The following HTR1F variants were observed in gnomAD, a reference collection of about 807,000 sequenced individuals.
HTR1F encodes the protein 5-hydroxytryptamine receptor 1F, also known as 5-hydroxytryptamine (serotonin) receptor 1F, G protein-coupled.
A neutral mutation model predicts 24.0 loss-of-function variants in HTR1F; 17 were observed. The observed-to-expected ratio is 0.71, with a 90% CI of 0.48 to 1.06. The LOEUF (loss-of-function observed/expected upper bound fraction) is 1.06, where lower values mean the gene tolerates loss of function less well. Among genes scored for constraint, HTR1F ranks in the 50% least tolerant of loss-of-function variants. HTR1F has a pLI of 0.00. For synonymous variants in HTR1F, 186 were observed against 156.8 expected (o/e 1.19, Z -1.39); for missense variants, 391 against 427.8 (o/e 0.91, Z 0.76).
intron 1 of HTR1F, among the ~76,000 whole-genome samples, chr3:87,799,924 C>T (rs1405338385): frequency 2.0e-5 from 3 of 152,168 alleles, no homozygotes; most frequent in Non-Finnish European, 4.4e-5. Context: ...AGTCCATATT[C>T]TATCAGAGAG....
In HTR1F at chr3:87,852,570, A is replaced by T. The variant is rs975329042; in HGVS notation, c.-43+30446A>T. 2.6e-5 allele frequency among the ~76,000 whole-genome samples: 4 copies of T among 151,768 alleles called. No individual in the cohort carries two copies. The South Asian group carries it at 6.2e-4, about 24-fold the overall frequency. On this transcript the variant is annotated intron_variant, in intron 2 of 2. Transcript: ENST00000319595. ...TTAAGTTTTCATGTATTCTGCAAGC[A>T]ATTTGTAGATTTTTTAAATTTATTA...
chr3:87,971,861 T>C (rs1459886694), intron 2 of HTR1F, among the ~76,000 whole-genome samples: 1 of 152,220 alleles, frequency 6.6e-6, no homozygotes, highest in Non-Finnish European at 1.5e-5. Context: ...ATTTTATGTA[T>C]ATACAATAAT....
chr3:87,850,080 C>T (rs897247296), intron 2 of HTR1F, among the ~76,000 whole-genome samples: 1 of 151,914 alleles, frequency 6.6e-6, no homozygotes, highest in African/African-American at 2.4e-5. Context: ...ACTAGAAATA[C>T]CGTTTGACCC....
chr3:87,800,079 A>G (rs906010538), intron 1 of HTR1F, among the ~76,000 whole-genome samples: 1 of 152,110 alleles, frequency 6.6e-6, no homozygotes, highest in East Asian at 1.9e-4. Context: ...GACTCTTTCA[A>G]TACCTTCCAA....
intron 2 of HTR1F, among the ~76,000 whole-genome samples, chr3:87,938,718 G>A (rs1188636672): frequency 1.3e-5 from 2 of 152,096 alleles, no homozygotes; most frequent in Non-Finnish European, 2.9e-5. Context: ...AATGATGCTG[G>A]GACAACTGGC....
chr3:87,927,772 T>A (rs1331806109), intron 2 of HTR1F, among the ~76,000 whole-genome samples: 1 of 152,174 alleles, frequency 6.6e-6, no homozygotes, highest in Non-Finnish European at 1.5e-5. Flanking sequence ...CAAAGCATAG[T>A]GCTAGTTACT....
intron 2 of HTR1F, among the ~76,000 whole-genome samples, chr3:87,974,944 C>T (rs1244222784): frequency 6.6e-6 from 1 of 152,160 alleles, no homozygotes; most frequent in Non-Finnish European, 1.5e-5. Context: ...CAGATTTGTT[C>T]TGTGCTAAGT....
chr3:87,856,991 T>C (rs778688718), intron 2 of HTR1F, among the ~76,000 whole-genome samples: 2 of 152,214 alleles, frequency 1.3e-5, no homozygotes, highest in Non-Finnish European at 2.9e-5. Flanking sequence ...TTACAGCTTA[T>C]GTTATCCTGT....
At chr3:87,881,748 A>G (rs964730529) in intron 2 of HTR1F, among the ~76,000 whole-genome samples, 2 of 152,232 alleles carry the variant, frequency 1.3e-5, no homozygotes, top group Admixed American at 6.5e-5. Flanking sequence ...ACCTAAAACC[A>G]TAAAAACCCT....
chr3:87,900,880 G>A (rs1036499690), intron 2 of HTR1F, among the ~76,000 whole-genome samples: 2 of 152,096 alleles, frequency 1.3e-5, no homozygotes, highest in African/African-American at 4.8e-5. Context: ...AGACATCCAT[G>A]CAGAAATTTT....
chr3:87,902,246 C>T (rs1490827591), intron 2 of HTR1F, among the ~76,000 whole-genome samples: 1 of 151,954 alleles, frequency 6.6e-6, no homozygotes, highest in Admixed American at 6.6e-5. Flanking sequence ...AAAACAGAGA[C>T]CCTAAAAAGA....
chr3:87,954,929 T>G (rs574986605), intron 2 of HTR1F, among the ~76,000 whole-genome samples: 17 of 151,446 alleles, frequency 1.1e-4, no homozygotes, highest in Non-Finnish European at 2.2e-4. Context: ...TTCTGGTGTC[T>G]CCAAGATAAA....
At chr3:87,977,302 C>T (rs1705415847) in intron 2 of HTR1F, among the ~76,000 whole-genome samples, 1 of 151,950 alleles carries the variant, frequency 6.6e-6, no homozygotes, top group Admixed American at 6.6e-5. Context: ...TTTTTAGAAG[C>T]CAGGTACCTA....
intron 2 of HTR1F, among the ~76,000 whole-genome samples, chr3:87,888,047 TAGCAAAG>T (rs1229552710): frequency 3.9e-5 from 6 of 152,144 alleles, no homozygotes; most frequent in Admixed American, 6.5e-5. Context: ...CTGTTCACAA[TAGCAAAG>T]ACTTGGAACC....
intron 2 of HTR1F, among the ~76,000 whole-genome samples, chr3:87,864,799 G>A (rs1047105093): frequency 6.6e-6 from 1 of 151,762 alleles, no homozygotes. Context: ...GGGAGCCTGA[G>A]GCAGGAGAAT....
At chr3:87,983,547 C>T (rs1705597838) in intron 2 of HTR1F, among the ~76,000 whole-genome samples, 1 of 152,150 alleles carries the variant, frequency 6.6e-6, no homozygotes, top group Non-Finnish European at 1.5e-5. Flanking sequence ...TACACCTGCT[C>T]CTGAACCTCA....
At chr3:87,851,257 T>A (rs911140008) in intron 2 of HTR1F, among the ~76,000 whole-genome samples, 1 of 151,734 alleles carries the variant, frequency 6.6e-6, no homozygotes, top group Non-Finnish European at 1.5e-5. Flanking sequence ...CATGATCACC[T>A]AAGAAGCAGA....
intron 1 of HTR1F, among the ~76,000 whole-genome samples, chr3:87,805,609 G>A (rs1704061247): frequency 6.6e-6 from 1 of 151,632 alleles, no homozygotes; most frequent in Non-Finnish European, 1.5e-5. Flanking sequence ...TATCAGCTTG[G>A]GTATTTATCA....
intron 2 of HTR1F, among the ~76,000 whole-genome samples, chr3:87,976,409 G>A (rs1205977181): frequency 6.6e-6 from 1 of 152,026 alleles, no homozygotes; most frequent in Non-Finnish European, 1.5e-5. Flanking sequence ...AATCTAGCTG[G>A]ACACCATGGC....
Sources: gnomAD v4.1 joint callset for allele counts (sites outside exome capture counted in the v4.1 genomes callset) on GRCh38, gnomAD v4.1.1 for gene constraint, MANE v1.5 for transcripts, NCBI Gene and HGNC (gene_info 2026-07-23, HGNC 2026-07-21) for gene names.